RCAN1: variants seen among roughly 807,000 people sequenced by gnomAD.
RCAN1 encodes calcipressin-1.
Under a neutral mutation model 22.9 loss-of-function variants are expected in RCAN1, and 11 were observed. That is an observed-to-expected ratio of 0.48 (90% CI 0.30 to 0.79). RCAN1 has a LOEUF of 0.79. Among genes scored for constraint, RCAN1 ranks in the 30% least tolerant of loss-of-function variants. RCAN1 has a pLI of 0.06. For missense variants in RCAN1, 291 were observed against 337.8 expected, an observed-to-expected ratio of 0.86 and a Z score of 1.09; for synonymous variants, 136 against 142.3, an observed-to-expected ratio of 0.96 and a Z score of 0.32.
chr21:34,593,678 G>A (rs1988046900), intron 1 of RCAN1, among the ~76,000 whole-genome samples: 1 of 152,240 alleles, frequency 6.6e-6, no homozygotes, highest in Non-Finnish European at 1.5e-5. Context: ...ACCTCAAGGT[G>A]TTGGGAGGTC....
chr21:34,549,802 C>T (rs1986295216), intron 1 of RCAN1, among the ~76,000 whole-genome samples: 1 of 152,116 alleles, frequency 6.6e-6, no homozygotes, highest in Non-Finnish European at 1.5e-5. Flanking sequence ...TTTGTCCATC[C>T]ATCATCCATC....
chr21:34,566,447 C>T (rs576697412), intron 1 of RCAN1, among the ~76,000 whole-genome samples: 6 of 152,274 alleles, frequency 3.9e-5, no homozygotes, highest in Admixed American at 3.3e-4. Flanking sequence ...TCACAGTGAC[C>T]TGGAAGGCCA....
intron 1 of RCAN1, among the ~76,000 whole-genome samples, chr21:34,577,907 G>A (rs900161828): frequency 6.6e-6 from 1 of 152,126 alleles, no homozygotes; most frequent in South Asian, 2.1e-4. Flanking sequence ...GACAAAAGAG[G>A]GGCAGCAAGT....
At chr21:34,558,016 A>C (rs2284587) in intron 1 of RCAN1, among the ~76,000 whole-genome samples, 36,632 of 152,032 alleles carry the variant, frequency 0.24, 5,117 homozygotes, top group African/African-American at 0.39. Context: ...CCAGCCTAAC[A>C]CAAATTCTTA....
intron 1 of RCAN1, among the ~76,000 whole-genome samples, chr21:34,544,653 G>A (rs1986060198): frequency 6.6e-6 from 1 of 152,186 alleles, no homozygotes; most frequent in Non-Finnish European, 1.5e-5. Context: ...TTGTTTGTTT[G>A]AGACAGGGTC....
At chr21:34,550,922 T>A (rs528739051) in intron 1 of RCAN1, among the ~76,000 whole-genome samples, 1 of 152,322 alleles carries the variant, frequency 6.6e-6, no homozygotes, top group South Asian at 2.1e-4. Context: ...AGCTTTATCA[T>A]ATAGCCGATA....
At chr21:34,519,931 C>G (rs1984377520) in intron 3 of RCAN1, among the ~76,000 whole-genome samples, 1 of 152,152 alleles carries the variant, frequency 6.6e-6, no homozygotes, top group Admixed American at 6.5e-5. Context: ...GAGCTCAGCT[C>G]TCTGAGAGAG....
chr21:34,521,159 C>T (rs541339919), intron 3 of RCAN1: 1 of 1,355,056 alleles, frequency 7.4e-7, no homozygotes, highest in East Asian at 2.8e-5. Flanking sequence ...AATCACTCAT[C>T]CCTATCCGGA....
At chr21:34,564,111 T>G (rs1986917052) in intron 1 of RCAN1, among the ~76,000 whole-genome samples, 1 of 151,956 alleles carries the variant, frequency 6.6e-6, no homozygotes, top group East Asian at 1.9e-4. Flanking sequence ...GAAGAGAGAA[T>G]GAGTGCCAGC....
In RCAN1 at chr21:34,555,246, C is replaced by T. The variant is rs556738640; in HGVS notation, c.253-31536G>A. Among the ~76,000 whole-genome samples the T allele has an allele frequency of 4.3e-4, 65 of 152,302 alleles. 1 individual carries two copies. The South Asian group carries it at 9.7e-3, about 23-fold the overall frequency. Reference sequence around the variant, plus strand: ...TGAGTGCCTCTTATTTGGATTCTAACGCAAACACGCTAATTATAAAAAGAC... The same window carrying T: ...TGAGTGCCTCTTATTTGGATTCTAATGCAAACACGCTAATTATAAAAAGAC... On this transcript the variant is annotated intron_variant, in intron 1 of 3. Coordinates refer to ENST00000313806, the MANE Select transcript of RCAN1 (RefSeq NM_004414.7).
intron 1 of RCAN1, among the ~76,000 whole-genome samples, chr21:34,544,250 T>C (rs1330972839): frequency 3.3e-5 from 5 of 152,248 alleles, no homozygotes; most frequent in Admixed American, 6.5e-5. Flanking sequence ...TGGGAGATTA[T>C]GTGGGGTGAA....
intron 1 of RCAN1, among the ~76,000 whole-genome samples, chr21:34,577,169 G>A (rs1044171243): frequency 6.6e-6 from 1 of 152,240 alleles, no homozygotes; most frequent in African/African-American, 2.4e-5. Context: ...AGCAAGAGCT[G>A]AGACACAACA....
At chr21:34,561,719 C>T (rs1986795379) in intron 1 of RCAN1, among the ~76,000 whole-genome samples, 1 of 152,188 alleles carries the variant, frequency 6.6e-6, no homozygotes, top group African/African-American at 2.4e-5. Context: ...AGAAGCTAAA[C>T]ATGAATCCAT....
At chr21:34,563,788 TATATATAGAG>T (rs1261128905) in intron 1 of RCAN1, among the ~76,000 whole-genome samples, 1 of 94,114 alleles carries the variant, frequency 1.1e-5, no homozygotes, top group Non-Finnish European at 2.2e-5. Context: ...TATATATATA[TATATATAGAG>T]AGAGAGAGAG....
chr21:34,569,997 C>T (rs1039570380), intron 1 of RCAN1, among the ~76,000 whole-genome samples: 2 of 152,214 alleles, frequency 1.3e-5, no homozygotes, highest in Admixed American at 1.3e-4. Flanking sequence ...TAGTGGTGGG[C>T]CTGCCCATGG....
At chr21:34,563,770 A>AAATAT (rs1555863394) in intron 1 of RCAN1, among the ~76,000 whole-genome samples, 3 of 65,476 alleles carry the variant, frequency 4.6e-5, no homozygotes, top group African/African-American at 2.1e-4. Context: ...AAAAAAAAAA[A>AAATAT]ATATATATAT....
intron 1 of RCAN1, among the ~76,000 whole-genome samples, chr21:34,595,761 G>T (rs1335963244): frequency 1.3e-5 from 2 of 152,248 alleles, no homozygotes; most frequent in Non-Finnish European, 2.9e-5. Flanking sequence ...CCACTCACAC[G>T]CTGCCTGGAT....
rs1984777134 is a variant in RCAN1, at chr21:34,523,650, T to C, written c.313A>G (p.Ser105Gly). 6.2e-7 allele frequency: 1 copy of C among 1,613,998 alleles called. No individual in the cohort carries two copies. The highest frequency in any genetic ancestry group is 1.3e-5 in the African/African-American group (1 of 74,880). ...DKDITFQYFK[S>G]FKRVRINFSN... ...AAGTTTATTCTGACTCGTTTGAAGC[T>C]CTTAAAATACTGAAAGGTGATGTCC... The change falls in exon 2 of 4, where the codon AGC becomes GGC. Residue 105 changes from serine to glycine, a missense_variant. Physicochemically the swap from Ser to Gly is moderately conservative, Grantham distance 56 (BLOSUM62 0). Coordinates refer to ENST00000313806, the MANE Select transcript of RCAN1 (RefSeq NM_004414.7).
At chr21:34,575,820 G>A (rs1416456686) in intron 1 of RCAN1, among the ~76,000 whole-genome samples, 4 of 152,280 alleles carry the variant, frequency 2.6e-5, no homozygotes, top group South Asian at 2.1e-4. Flanking sequence ...ACGAGACAGC[G>A]GTGTGTTAAG....
Sources: gnomAD v4.1 joint callset for allele counts (sites outside exome capture counted in the v4.1 genomes callset) on GRCh38, gnomAD v4.1.1 for gene constraint, MANE v1.5 for transcripts, NCBI Gene and HGNC (gene_info 2026-07-23, HGNC 2026-07-21) for gene names.